Variants in RBFOX1 observed in about 807,000 individuals in gnomAD.
The protein encoded by RBFOX1 is RNA binding fox-1 homolog 1.
In RBFOX1, 8 loss-of-function variants were observed where a neutral mutation model predicts 57.7. The observed-to-expected ratio is 0.14, with a 90% CI of 0.08 to 0.25. The LOEUF (loss-of-function observed/expected upper bound fraction) is 0.25, where lower values mean the gene tolerates loss of function less well. Among genes scored for constraint, RBFOX1 ranks in the 10% least tolerant of loss-of-function variants. The pLI is 1.00. For synonymous variants in RBFOX1, 326 were observed against 222.4 expected (o/e 1.47, Z -4.15); for missense variants, 611 against 548.5 (o/e 1.11, Z -1.14).
At chr16:6,469,080 A>G (rs1046164800) in intron 2 of RBFOX1, among the ~76,000 whole-genome samples, 1 of 152,292 alleles carries the variant, frequency 6.6e-6, no homozygotes, top group African/African-American at 2.4e-5. Flanking sequence ...GTACACAAGC[A>G]ACAAGAACTT....
chr16:6,535,512 T>G (rs1320270542), intron 2 of RBFOX1, among the ~76,000 whole-genome samples: 2 of 152,196 alleles, frequency 1.3e-5, no homozygotes, highest in African/African-American at 4.8e-5. Context: ...CCCTATAAAC[T>G]CCATGTGGTT....
chr16:6,887,506 C>T (rs1360429053), intron 3 of RBFOX1, among the ~76,000 whole-genome samples: 1 of 152,114 alleles, frequency 6.6e-6, no homozygotes, highest in Non-Finnish European at 1.5e-5. Context: ...AATCATTAAT[C>T]ATGTATATTA....
At chr16:7,153,924 A>C (rs577279989) in intron 4 of RBFOX1, among the ~76,000 whole-genome samples, 1 of 135,542 alleles carries the variant, frequency 7.4e-6, no homozygotes, top group Non-Finnish European at 1.7e-5. Context: ...ACCTGGTTTT[A>C]AAAAAAACCC....
At chr16:7,117,350 A>G (rs1196204736) in intron 4 of RBFOX1, among the ~76,000 whole-genome samples, 1 of 152,150 alleles carries the variant, frequency 6.6e-6, no homozygotes, top group African/African-American at 2.4e-5. Flanking sequence ...ACAACCCTAA[A>G]ATGTTATGTG....
At chr16:6,822,676 C>G (rs955623524) in intron 3 of RBFOX1, among the ~76,000 whole-genome samples, 1 of 152,164 alleles carries the variant, frequency 6.6e-6, no homozygotes, top group Non-Finnish European at 1.5e-5. Context: ...CTTTTACACG[C>G]TATGGTGTGT....
intron 1 of RBFOX1, among the ~76,000 whole-genome samples, chr16:5,301,360 C>T (rs1419534276): frequency 6.6e-6 from 1 of 152,070 alleles, no homozygotes; most frequent in African/African-American, 2.4e-5. Context: ...TGGCTCATGC[C>T]TGTAATACCA....
intron 1 of RBFOX1, among the ~76,000 whole-genome samples, chr16:6,023,225 T>G (rs1035845500): frequency 1.3e-5 from 2 of 151,690 alleles, no homozygotes; most frequent in African/African-American, 4.9e-5. Flanking sequence ...CCTCCTGGAA[T>G]TGACCCACTC....
chr16:6,787,417 TGA>T (rs936608013), intron 3 of RBFOX1, among the ~76,000 whole-genome samples: 2 of 152,196 alleles, frequency 1.3e-5, no homozygotes, highest in Admixed American at 6.5e-5. Flanking sequence ...CAATGCCGTG[TGA>T]TTTCCAAAAT....
At chr16:5,678,612 C>A (rs1487715493) in intron 3 of RBFOX1, among the ~76,000 whole-genome samples, 1 of 152,120 alleles carries the variant, frequency 6.6e-6, no homozygotes, top group Non-Finnish European at 1.5e-5. Context: ...GGTGCTTGAG[C>A]CCGTCCCACA....
At chr16:5,986,704 G>T (rs552859644) in intron 4 of RBFOX1, among the ~76,000 whole-genome samples, 14 of 152,248 alleles carry the variant, frequency 9.2e-5, no homozygotes, top group Admixed American at 3.3e-4. Context: ...CAAGTTGTGT[G>T]TATCAATATT....
intron 2 of RBFOX1, chr16:6,483,845 A>G (rs1436402368): frequency 4.9e-6 from 6 of 1,212,724 alleles, no homozygotes; most frequent in Non-Finnish European, 6.2e-6. Flanking sequence ...TTGGCCGTGG[A>G]TGGAATCCGG....
intron 4 of RBFOX1, among the ~76,000 whole-genome samples, chr16:7,165,363 A>G (rs1231472894): frequency 7.1e-6 from 1 of 140,094 alleles, no homozygotes; most frequent in Non-Finnish European, 1.5e-5. Context: ...AATGGCTACT[A>G]GAGGCCCAGA....
intron 5 of RBFOX1, among the ~76,000 whole-genome samples, chr16:7,533,903 A>T (rs570121071): frequency 9.6e-4 from 146 of 152,306 alleles, no homozygotes; most frequent in Non-Finnish European, 1.7e-3. Context: ...GTTGGGCAAT[A>T]TATTAATGAT....
At chr16:6,497,881 A>G (rs1258424027) in intron 2 of RBFOX1, among the ~76,000 whole-genome samples, 2 of 152,108 alleles carry the variant, frequency 1.3e-5, no homozygotes, top group African/African-American at 4.8e-5. Flanking sequence ...CAAGTGTGAG[A>G]AAGTGCCTAA....
intron 2 of RBFOX1, among the ~76,000 whole-genome samples, chr16:5,527,461 A>G (rs1190421249): frequency 6.6e-6 from 1 of 152,216 alleles, no homozygotes; most frequent in African/African-American, 2.4e-5. Context: ...GTTGGAAGCA[A>G]GATGAAAAGA....
At chr16:6,027,569 T>C (rs2095220337) in intron 1 of RBFOX1, among the ~76,000 whole-genome samples, 1 of 152,212 alleles carries the variant, frequency 6.6e-6, no homozygotes, top group African/African-American at 2.4e-5. Context: ...CATTGTACAG[T>C]CCGTCTGAGG....
At chr16:6,598,695 C>T (rs988529208) in intron 2 of RBFOX1, among the ~76,000 whole-genome samples, 1 of 152,196 alleles carries the variant, frequency 6.6e-6, no homozygotes, top group African/African-American at 2.4e-5. Context: ...CGTCTGTAAT[C>T]TCAGCACTTT....
intron 3 of RBFOX1, among the ~76,000 whole-genome samples, chr16:6,774,602 T>C (rs1354826642): frequency 2.3e-4 from 35 of 152,196 alleles, no homozygotes; most frequent in Admixed American, 2.2e-3. Flanking sequence ...ACATGTCAGC[T>C]ATATAGAGTC....
At chr16:7,027,152 C>G (rs560991812) in intron 3 of RBFOX1, among the ~76,000 whole-genome samples, 17 of 152,288 alleles carry the variant, frequency 1.1e-4, no homozygotes, top group East Asian at 9.7e-4. Flanking sequence ...ACAGTCTACC[C>G]TCCTTACGAG....
Sources: allele counts gnomAD v4.1 joint callset (sites outside exome capture counted in the v4.1 genomes callset), GRCh38; gene constraint gnomAD v4.1.1; transcripts MANE v1.5; gene names NCBI Gene and HGNC (gene_info 2026-07-23, HGNC 2026-07-21).